MYRIP: variants seen among roughly 807,000 people sequenced by gnomAD.
MYRIP encodes the protein rab effector MyRIP.
Under a neutral mutation model 98.0 loss-of-function variants are expected in MYRIP, and 49 were observed. The ratio of observed to expected loss-of-function variants is 0.50; its 90% CI spans 0.40 to 0.63. MYRIP has a LOEUF of 0.63. MYRIP is among the 30% of genes least tolerant of loss of function. MYRIP has a pLI of 0.00. For synonymous variants in MYRIP, 404 were observed against 409.5 expected, an observed-to-expected ratio of 0.99 and a Z score of 0.16; for missense variants, 1,004 against 1,058.2, an observed-to-expected ratio of 0.95 and a Z score of 0.71.
rs141327742 is a variant in MYRIP, at chr3:40,223,835, A to C, written c.1906-10024A>C. 9.2e-3 allele frequency among the ~76,000 whole-genome samples: 1,394 copies of C among 152,298 alleles called. 25 individuals are homozygous for C. Among genetic ancestry groups the C allele is most frequent in the African/African-American group, 0.031 (1,273 of 41,554 alleles). ...CTTCTGTTGGAGGAGACAGTGGTAAACATGTAGACACATGAAGGGGAAGAT... is the reference window on the plus strand; with the variant it reads ...CTTCTGTTGGAGGAGACAGTGGTAACCATGTAGACACATGAAGGGGAAGAT... On this transcript the variant is annotated intron_variant, in intron 11 of 16. Transcript: ENST00000302541.
At chr3:40,168,884 G>A (rs997999101) in intron 7 of MYRIP, among the ~76,000 whole-genome samples, 6 of 152,196 alleles carry the variant, frequency 3.9e-5, no homozygotes, top group East Asian at 1.9e-4. Flanking sequence ...AGAAAGTGCC[G>A]TATGCAGGAA....
At chr3:40,224,070 G>A (rs1031681434) in intron 11 of MYRIP, among the ~76,000 whole-genome samples, 4 of 152,178 alleles carry the variant, frequency 2.6e-5, no homozygotes, top group Non-Finnish European at 5.9e-5. Flanking sequence ...TAGAGCCAAG[G>A]TGGCTAGAGC....
intron 11 of MYRIP, among the ~76,000 whole-genome samples, chr3:40,216,590 T>C (rs1952125825): frequency 2.0e-5 from 3 of 152,064 alleles, no homozygotes; most frequent in Admixed American, 1.3e-4. Flanking sequence ...GAATGCAAAA[T>C]AAAGTGAATA....
At chr3:40,092,372 T>C (rs1948749008) in intron 3 of MYRIP, among the ~76,000 whole-genome samples, 1 of 152,120 alleles carries the variant, frequency 6.6e-6, no homozygotes, top group Non-Finnish European at 1.5e-5. Flanking sequence ...GGAAAGATAC[T>C]CACCCACACT....
intron 1 of MYRIP, among the ~76,000 whole-genome samples, chr3:39,834,766 A>G (rs1229132550): frequency 2.0e-5 from 3 of 152,146 alleles, no homozygotes; most frequent in Non-Finnish European, 4.4e-5. Context: ...TTAAAGTTTA[A>G]TGGCTCATTA....
chr3:40,083,921 A>G (rs1948537740), intron 3 of MYRIP, among the ~76,000 whole-genome samples: 1 of 152,054 alleles, frequency 6.6e-6, no homozygotes, highest in Non-Finnish European at 1.5e-5. Context: ...GCGGATTATG[A>G]GGTCAGGAGA....
At chr3:39,892,619 T>C (rs981309053) in intron 1 of MYRIP, among the ~76,000 whole-genome samples, 1 of 152,206 alleles carries the variant, frequency 6.6e-6, no homozygotes, top group Non-Finnish European at 1.5e-5. Flanking sequence ...GTTAAAGAAG[T>C]GCATTGTATC....
At chr3:40,022,590 C>G (rs60083561) in intron 2 of MYRIP, among the ~76,000 whole-genome samples, 3 of 152,084 alleles carry the variant, frequency 2.0e-5, no homozygotes, top group African/African-American at 7.2e-5. Flanking sequence ...TCTCTCTGCT[C>G]TGGTCATTGA....
At chr3:39,898,982 A>G (rs1243707320) in intron 1 of MYRIP, among the ~76,000 whole-genome samples, 2 of 152,144 alleles carry the variant, frequency 1.3e-5, no homozygotes, top group South Asian at 4.1e-4. Flanking sequence ...CATGACTTCA[A>G]CCTTTTAATA....
At chr3:39,879,422 A>G (rs1490629559) in intron 1 of MYRIP, among the ~76,000 whole-genome samples, 2 of 150,904 alleles carry the variant, frequency 1.3e-5, no homozygotes, top group African/African-American at 2.4e-5. Context: ...TGTTGATGGT[A>G]TATTGAACAT....
chr3:39,933,861 G>A (rs9815380), intron 2 of MYRIP, among the ~76,000 whole-genome samples: 56,433 of 152,028 alleles, frequency 0.37, 10,793 homozygotes, highest in East Asian at 0.45. Flanking sequence ...GTTCAAGATT[G>A]AACGACTTGC....
intron 1 of MYRIP, among the ~76,000 whole-genome samples, chr3:39,856,130 G>A (rs1455538344): frequency 1.3e-5 from 2 of 152,166 alleles, no homozygotes; most frequent in African/African-American, 2.4e-5. Flanking sequence ...TGTGTGTTTG[G>A]AGGCAGATTT....
At chr3:40,234,948 G>A (rs563875795) in intron 12 of MYRIP, among the ~76,000 whole-genome samples, 46 of 150,024 alleles carry the variant, frequency 3.1e-4, no homozygotes, top group African/African-American at 1.1e-3. Flanking sequence ...AGCCAAGGTG[G>A]TGCCATTGCA....
intron 1 of MYRIP, among the ~76,000 whole-genome samples, chr3:39,835,352 C>CTT (rs777666491): frequency 1.9e-4 from 28 of 149,570 alleles, no homozygotes; most frequent in Admixed American, 5.3e-4. Context: ...TTGAGAATTG[C>CTT]TGGGGGCGGG....
intron 11 of MYRIP, among the ~76,000 whole-genome samples, chr3:40,218,621 TATATATATATATA>T (rs745710832): frequency 0.43 from 34,808 of 81,384 alleles, 5,857 homozygotes; most frequent in East Asian, 0.65. Context: ...TTTATATATA[TATATATATATATA>T]TATATATATA....
chr3:39,997,165 G>T (rs906141085), intron 2 of MYRIP, among the ~76,000 whole-genome samples: 1 of 152,000 alleles, frequency 6.6e-6, no homozygotes, highest in South Asian at 2.1e-4. Flanking sequence ...CTAGCAGAAG[G>T]CAAGAAATAA....
At chr3:40,076,541 A>C (rs1480977016) in intron 3 of MYRIP, among the ~76,000 whole-genome samples, 3 of 152,208 alleles carry the variant, frequency 2.0e-5, no homozygotes, top group African/African-American at 7.2e-5. Context: ...GGGCTTTATC[A>C]TCTAATTGTT....
chr3:40,134,264 A>G (rs1175936006), intron 3 of MYRIP, among the ~76,000 whole-genome samples: 1 of 152,104 alleles, frequency 6.6e-6, no homozygotes, highest in Non-Finnish European at 1.5e-5. Context: ...AGGGTCCTAC[A>G]CCCACGGAGC....
intron 3 of MYRIP, among the ~76,000 whole-genome samples, chr3:40,049,707 T>C (rs1182697112): frequency 6.6e-6 from 1 of 152,056 alleles, no homozygotes; most frequent in Non-Finnish European, 1.5e-5. Flanking sequence ...GAAGGCATAT[T>C]GAGAACCAAG....
Sources: allele counts gnomAD v4.1 joint callset (sites outside exome capture counted in the v4.1 genomes callset), GRCh38; gene constraint gnomAD v4.1.1; transcripts MANE v1.5; gene names NCBI Gene and HGNC (gene_info 2026-07-23, HGNC 2026-07-21).